Variants in RITA1 observed in about 807,000 individuals in gnomAD.
RITA1 encodes the protein RBPJ-interacting and tubulin-associated protein 1.
A neutral mutation model predicts 8.7 loss-of-function variants in RITA1; 15 were observed. That is an observed-to-expected ratio of 1.72 (90% CI 1.15 to 2.65). The LOEUF (loss-of-function observed/expected upper bound fraction) is 2.65. Ranked by LOEUF, RITA1 falls within the 30% of genes most tolerant of loss-of-function variation. The pLI is 0.00. For synonymous variants in RITA1, 145 were observed against 156.2 expected (o/e 0.93, Z 0.53); for missense variants, 330 against 363.8 (o/e 0.91, Z 0.76).
In RITA1 at chr12:113,191,379, C is replaced by A; in HGVS notation, c.372C>A (p.Phe124Leu). ...LFGSRSEGAS[F>L]GAPRMAKGDA... The stretch of plus-strand genomic sequence containing the variant: ...GCTCCCGATCTGAAGGCGCCAGCTT[C>A]GGGGCCCCGCGGATGGCGAAGGGGG... Residue 124 changes from phenylalanine (F) to leucine (L), a missense_variant, in exon 4 of 4, where the codon TTC becomes TTA. Phe to Leu is a conservative substitution (Grantham distance 22). Transcript: ENST00000548278. The surrounding 1 kb of genome is among the most constrained non-coding windows in gnomAD (Gnocchi z 4.0). The A allele has an allele frequency of 6.3e-7, 1 of 1,597,290 alleles. No homozygotes were observed. Among genetic ancestry groups the A allele is most frequent in the Non-Finnish European group, 8.5e-7 (1 of 1,170,122 alleles).
In RITA1 at chr12:113,187,049, G is replaced by A; in HGVS notation, c.302+1G>A. 1 of 1,567,610 alleles carries A rather than the reference G, an allele frequency of 6.4e-7. No individual in the cohort carries two copies. Among genetic ancestry groups the A allele is most frequent in the Non-Finnish European group, 8.7e-7 (1 of 1,155,500 alleles). On this transcript the variant is annotated splice_donor_variant, in intron 3 of 3. Transcript: ENST00000548278. LOFTEE classifies it high-confidence loss of function. ...CACCAAGGAAGAAGAACAAATACAG[G>A]TAATGGGGTAGGGAGATGCAAATCC...
chr12:113,191,281 G>C lies in RITA1; in HGVS notation c.303-29G>C, dbSNP rs1342470635. 35 of 1,500,460 alleles carry C rather than the reference G, an allele frequency of 2.3e-5. No individual in the cohort carries two copies. The Admixed American group carries it at 8.0e-4, about 34-fold the overall frequency. 92.9% of individuals were successfully genotyped at this position (1,500,460 alleles called of 1,614,324 possible). On this transcript the variant is annotated intron_variant, in intron 3 of 3. Transcript: ENST00000548278. This position sits in a 1 kb window ranked among gnomAD's most constrained non-coding sequence, Gnocchi z 4.0. ...GTTTTGAGGGGTTGTTCATCCCCCA[G>C]CTCATGGCGTTTATCTTCCATTTGC...
chr12:113,189,144 A>G (rs1952572307), intron 3 of RITA1, among the ~76,000 whole-genome samples: 1 of 152,078 alleles, frequency 6.6e-6, no homozygotes, highest in African/African-American at 2.4e-5. Context: ...TAAATAATTA[A>G]GGCCAAGTGT....
chr12:113,191,703 G>C lies in RITA1; in HGVS notation c.696G>C (p.Gly232=), dbSNP rs757868504. The C allele has an allele frequency of 2.9e-5, 47 of 1,614,008 alleles. No homozygotes were observed. The highest frequency in any genetic ancestry group is 3.7e-5 in the Non-Finnish European group (44 of 1,180,036). Residue 232 remains glycine (G), a synonymous_variant, in exon 4 of 4, where the codon GGG becomes GGC. Coordinates refer to ENST00000548278, the MANE Select transcript of RITA1 (RefSeq NM_032848.3). The surrounding 1 kb of genome is among the most constrained non-coding windows in gnomAD (Gnocchi z 4.0). The part of the protein sequence containing the change: ...GPQDLRPSTS[G]VTFRSPLVTS... ...AGGATCTCAGGCCTTCCACGTCAGG[G>C]GTGACCTTCCGGAGCCCCCTGGTGA...
At chr12:113,188,496 C>A (rs981016314) in intron 3 of RITA1, among the ~76,000 whole-genome samples, 1 of 152,088 alleles carries the variant, frequency 6.6e-6, no homozygotes, top group Non-Finnish European at 1.5e-5. Flanking sequence ...CATGAGCCAC[C>A]GCGCCTGGCC....
intron 3 of RITA1, among the ~76,000 whole-genome samples, chr12:113,188,809 TTTTTTTTTTTTTTTTTTTTG>T: frequency 1.1e-5 from 1 of 94,286 alleles, no homozygotes; most frequent in Admixed American, 1.0e-4. Context: ...TTTTTTTTTT[TTTTTTTTTTTTTTTTTTTTG>T]AGATGGAGTC....
intron 3 of RITA1, among the ~76,000 whole-genome samples, chr12:113,188,646 CA>C (rs778076169): frequency 6.6e-6 from 1 of 151,876 alleles, no homozygotes; most frequent in Non-Finnish European, 1.5e-5. Context: ...GGCCTTTTCT[CA>C]TTTTTTTTTA....
chr12:113,190,345 AAAAG>A (rs139372211), intron 3 of RITA1, among the ~76,000 whole-genome samples: 7,786 of 152,086 alleles, frequency 0.051, 266 homozygotes, highest in Middle Eastern at 0.068. Flanking sequence ...AAAAAAAAGA[AAAAG>A]AAAGAAAGAA....
chr12:113,190,150 A>G (rs1952585094), intron 3 of RITA1, among the ~76,000 whole-genome samples: 2 of 151,828 alleles, frequency 1.3e-5, no homozygotes, highest in South Asian at 4.2e-4. Flanking sequence ...CAACATGGTG[A>G]AACCCCCCCC....
In RITA1 at chr12:113,188,650, T is replaced by G. The variant is rs77965558; in HGVS notation, c.302+1602T>G. 7.0e-3 allele frequency among the ~76,000 whole-genome samples: 1,063 copies of G among 152,150 alleles called. 48 individuals carry two copies. The East Asian group carries it at 0.14, about 20-fold the overall frequency. ...TGTCATCATAGGGCCTTTTCTCATT[T>G]TTTTTTAATCCTTCAATTACATGCA... is the stretch of plus-strand genomic sequence containing the variant. On this transcript the variant is annotated intron_variant, in intron 3 of 3. Transcript: ENST00000548278.
In RITA1 at chr12:113,191,464, T is replaced by C; in HGVS notation, c.457T>C (p.Ser153Pro). ...ACCACCTACCCCCAGGGGTAGCCAC[T>C]CGCCCCGCCCCAGGGAGGCACCACT... ...TPPPTPRGSHSPRPREAPLRA... is the reference protein window; with the variant it reads ...TPPPTPRGSHPPRPREAPLRA... The change falls in exon 4 of 4, where the codon TCG becomes CCG. Residue 153 changes from serine to proline, a missense_variant. Physicochemically the swap from Ser to Pro is moderately conservative, Grantham distance 74 (BLOSUM62 -1). Coordinates refer to ENST00000548278, the MANE Select transcript of RITA1 (RefSeq NM_032848.3). This position sits in a 1 kb window ranked among gnomAD's most constrained non-coding sequence, Gnocchi z 4.0. 1 of 1,604,666 alleles carries C rather than the reference T, an allele frequency of 6.2e-7. No homozygotes were observed. Among genetic ancestry groups the C allele is most frequent in the Non-Finnish European group, 8.5e-7 (1 of 1,173,166 alleles).
At chr12:113,186,351 C>T (rs1952536084) in intron 2 of RITA1, 35 bp downstream of exon 2, 2 of 1,376,798 alleles carry the variant, frequency 1.5e-6, no homozygotes, top group Non-Finnish European at 1.9e-6. Context: ...GTCATTGCCC[C>T]CACCCCCATC....
chr12:113,187,122 C>T, intron 3 of RITA1, 74 bp downstream of exon 3: 1 of 1,424,552 alleles, frequency 7.0e-7, no homozygotes, highest in Non-Finnish European at 9.3e-7. Context: ...CTGGTGTTCA[C>T]CTGCTCTGTG....
intron 3 of RITA1, 80 bp downstream of exon 3, chr12:113,187,128 C>G: frequency 7.1e-7 from 1 of 1,407,126 alleles, no homozygotes; most frequent in South Asian, 1.5e-5. Flanking sequence ...TTCACCTGCT[C>G]TGTGACCTTG....
In RITA1 at chr12:113,191,465, C is replaced by A. The variant is rs780914706; in HGVS notation, c.458C>A (p.Ser153Ter). 6.2e-7 allele frequency: 1 copy of A among 1,604,198 alleles called. No homozygotes were observed. Among genetic ancestry groups the A allele is most frequent in the East Asian group, 2.2e-5 (1 of 44,608 alleles). ...TPPPTPRGSH[S>*]PRPREAPLRA... Reference sequence around the variant, plus strand: ...CCACCTACCCCCAGGGGTAGCCACTCGCCCCGCCCCAGGGAGGCACCACTG... The same window carrying A: ...CCACCTACCCCCAGGGGTAGCCACTAGCCCCGCCCCAGGGAGGCACCACTG... The change falls in exon 4 of 4, where the codon TCG (serine) becomes TAG (stop). Residue 153 changes from serine (S) to a stop codon, truncating the protein, a stop_gained. Transcript: ENST00000548278. LOFTEE classifies it low-confidence loss of function (END_TRUNC). The surrounding 1 kb of genome is among the most constrained non-coding windows in gnomAD (Gnocchi z 4.0).
rs780119643 is a variant in RITA1 at position 113,191,396 on chromosome 12, C to T, written c.389C>T (p.Ala130Val). ...EGASFGAPRM[A>V]KGDAAKLRAL... is the part of the protein sequence containing the mutation. ...GCCAGCTTCGGGGCCCCGCGGATGG[C>T]GAAGGGGGATGCCGCAAAGCTCCGT... Residue 130 changes from alanine to valine, a missense_variant, in exon 4 of 4, where the codon GCG (alanine) becomes GTG (valine). Physicochemically the swap from Ala to Val is moderately conservative, Grantham distance 64 (BLOSUM62 0). Transcript: ENST00000548278. The surrounding 1 kb of genome is among the most constrained non-coding windows in gnomAD (Gnocchi z 4.0). 18 of 1,607,200 alleles carry T rather than the reference C, an allele frequency of 1.1e-5. No individual in the cohort carries two copies. In the Admixed American group the frequency reaches 1.5e-4, roughly 13 times the overall value.
intron 3 of RITA1, among the ~76,000 whole-genome samples, chr12:113,190,641 G>A (rs188588840): frequency 2.0e-5 from 3 of 152,290 alleles, no homozygotes; most frequent in Admixed American, 6.5e-5. Flanking sequence ...GAGTGAGATC[G>A]TGTCTCACAA....
At chr12:113,186,578 G>T in intron 2 of RITA1, 105 bp from the exon 3 acceptor site, 2 of 1,425,850 alleles carry the variant, frequency 1.4e-6, no homozygotes, top group Non-Finnish European at 1.8e-6. Flanking sequence ...TGAGAGACTG[G>T]TTGAGAGAGA....
rs1400664869 is a variant in RITA1 at position 113,191,343 on chromosome 12, G to A, written c.336G>A (p.Glu112=). ...PISHTPSYCD[E]SLFGSRSEGA... Reference sequence around the variant, plus strand: ...GCCACACCCCGTCTTACTGTGATGAGTCGCTGTTTGGCTCCCGATCTGAAG... The same window carrying A: ...GCCACACCCCGTCTTACTGTGATGAATCGCTGTTTGGCTCCCGATCTGAAG... The change falls in exon 4 of 4, where the codon GAG becomes GAA. Residue 112 remains glutamate (E), a synonymous_variant. Transcript: ENST00000548278. This position sits in a 1 kb window ranked among gnomAD's most constrained non-coding sequence, Gnocchi z 4.0. 1 of 1,565,048 alleles carries A rather than the reference G, an allele frequency of 6.4e-7. No homozygotes were observed. Among genetic ancestry groups the A allele is most frequent in the Admixed American group, 1.8e-5 (1 of 54,076 alleles).
Sources: gnomAD v4.1 joint callset for allele counts (sites outside exome capture counted in the v4.1 genomes callset) on GRCh38, gnomAD v4.1.1 for gene constraint, Gnocchi (gnomAD v3.1) non-coding constraint, MANE v1.5 for transcripts, NCBI Gene and HGNC (gene_info 2026-07-23, HGNC 2026-07-21) for gene names.